Variants in CADM1 observed in about 807,000 individuals in gnomAD.
CADM1 encodes cell adhesion molecule 1, also known as TSLC-1.
In CADM1, 15 loss-of-function variants were observed where a neutral mutation model predicts 53.1. The observed-to-expected ratio is 0.28, with a 90% CI of 0.19 to 0.44. CADM1 has a LOEUF of 0.44. Among genes scored for constraint, CADM1 ranks in the 20% least tolerant of loss-of-function variants. The probability of loss-of-function intolerance (pLI) is 1.00; values close to 1 mark genes in which losing one functional copy is unlikely to be tolerated. For synonymous variants in CADM1, 281 were observed against 243.0 expected (o/e 1.16, Z -1.45); for missense variants, 434 against 611.3 (o/e 0.71, Z 3.06).
At chr11:115,287,118 A>T (rs1483788938) in intron 1 of CADM1, among the ~76,000 whole-genome samples, 1 of 152,206 alleles carries the variant, frequency 6.6e-6, no homozygotes, top group Non-Finnish European at 1.5e-5. Context: ...TCCAAAGAAA[A>T]GCAGGAACAC....
At chr11:115,332,399 G>A (rs775976023) in intron 1 of CADM1, among the ~76,000 whole-genome samples, 4 of 152,184 alleles carry the variant, frequency 2.6e-5, no homozygotes, top group Non-Finnish European at 5.9e-5. Flanking sequence ...AAATGAAGAT[G>A]AAGGTCATTT....
In CADM1 at chr11:115,228,826, T is replaced by C. The variant is rs543427994; in HGVS notation, c.721+287A>G. Among the ~76,000 whole-genome samples, 12 of 152,318 alleles carry C rather than the reference T, an allele frequency of 7.9e-5. No individual in the cohort carries two copies. In the South Asian group the frequency reaches 1.5e-3, roughly 18 times the overall value. ...ATTACCCTAGATTTTGCAGTTGGCA[T>C]AGAAATGATGACAGTCTATATGCAA... is the stretch of plus-strand genomic sequence containing the variant. On this transcript the variant is annotated intron_variant, in intron 5 of 11. Coordinates refer to ENST00000331581, the MANE Select transcript of CADM1 (RefSeq NM_001301043.2).
At chr11:115,294,593 C>T (rs7928044) in intron 1 of CADM1, among the ~76,000 whole-genome samples, 32,067 of 151,948 alleles carry the variant, frequency 0.21, 5,006 homozygotes, top group East Asian at 0.65. Context: ...TTGCTTCCTG[C>T]CCATTAAATG....
intron 1 of CADM1, among the ~76,000 whole-genome samples, chr11:115,462,171 A>T (rs553934841): frequency 6.6e-6 from 1 of 152,282 alleles, no homozygotes; most frequent in African/African-American, 2.4e-5. Flanking sequence ...CAAAGAAGAT[A>T]ATGCTTAACT....
rs1455385926 is a variant in CADM1, at chr11:115,172,320, TCTG to T, written c.*4151_*4153del. The T allele has an allele frequency of 6.6e-6, 1 of 152,294 alleles. No homozygotes were observed. Among genetic ancestry groups the T allele is most frequent in the South Asian group, 2.1e-4 (1 of 4,836 alleles). The allele number at this position is 152,294 out of a possible 1,614,324, so 9.4% of individuals were successfully genotyped here. A position where few individuals can be genotyped will look rare whatever the true frequency, so the allele number is the denominator to read the frequency against. On this transcript the variant is annotated 3_prime_UTR_variant, in exon 12 of 12. Coordinates refer to ENST00000331581, the MANE Select transcript of CADM1 (RefSeq NM_001301043.2). ...GAGAGGTCACTGAAGTATCGAGTCC[TCTG>T]CCCGGACTTTTCAGTACAGCCACAA... is the stretch of plus-strand genomic sequence containing the variant.
At chr11:115,331,012 G>A (rs761176074) in intron 1 of CADM1, among the ~76,000 whole-genome samples, 8 of 152,140 alleles carry the variant, frequency 5.3e-5, no homozygotes, top group Non-Finnish European at 1.0e-4. Flanking sequence ...GTGAAGAGGA[G>A]GAATCAGGTT....
chr11:115,249,006 C>T (rs1942503497), intron 1 of CADM1, among the ~76,000 whole-genome samples: 1 of 152,160 alleles, frequency 6.6e-6, no homozygotes, highest in African/African-American at 2.4e-5. Flanking sequence ...AAGGCAGAGG[C>T]TTCTTATGAA....
chr11:115,181,915 A>C (rs11215400), intron 10 of CADM1, among the ~76,000 whole-genome samples: 31,642 of 152,188 alleles, frequency 0.21, 3,789 homozygotes, highest in South Asian at 0.32. Context: ...CTGGAGTCGC[A>C]CGAAAACCAG....
intron 1 of CADM1, among the ~76,000 whole-genome samples, chr11:115,403,915 G>T (rs978952127): frequency 6.6e-6 from 1 of 150,542 alleles, no homozygotes; most frequent in Non-Finnish European, 1.5e-5. Flanking sequence ...GTTTTTTAAA[G>T]TTCAAATTGG....
At chr11:115,467,284 C>T (rs1438345985) in intron 1 of CADM1, among the ~76,000 whole-genome samples, 1 of 152,180 alleles carries the variant, frequency 6.6e-6, no homozygotes, top group Non-Finnish European at 1.5e-5. Context: ...CGATAGGGAA[C>T]ACTTCAGAGT....
chr11:115,482,041 A>T (rs1949268207), intron 1 of CADM1, among the ~76,000 whole-genome samples: 1 of 152,142 alleles, frequency 6.6e-6, no homozygotes. Context: ...GTGCTCCTTC[A>T]AAGGCTATTC....
At chr11:115,271,100 C>T (rs1434964697) in intron 1 of CADM1, among the ~76,000 whole-genome samples, 2 of 152,174 alleles carry the variant, frequency 1.3e-5, no homozygotes, top group African/African-American at 4.8e-5. Flanking sequence ...TGTGTTAATT[C>T]ACTCTCCTGG....
chr11:115,457,833 G>A (rs781564205), intron 1 of CADM1, among the ~76,000 whole-genome samples: 17 of 152,048 alleles, frequency 1.1e-4, no homozygotes, highest in Non-Finnish European at 2.1e-4. Context: ...TAATAAAAAC[G>A]GCTAATGAAT....
chr11:115,439,852 G>C (rs1948269793), intron 1 of CADM1, among the ~76,000 whole-genome samples: 1 of 152,122 alleles, frequency 6.6e-6, no homozygotes, highest in South Asian at 2.1e-4. Context: ...TTGGAGTAGG[G>C]CTCAGAATTT....
chr11:115,261,786 T>C lies in CADM1; in HGVS notation c.125-21366A>G, dbSNP rs1195162286. ...AAAATTTCATGCACTCCAATAAGAT[T>C]TTTTTTTTTTTTTGACAGAGTCTCA... On this transcript the variant is annotated intron_variant, in intron 1 of 11. Transcript: ENST00000331581. Among the ~76,000 whole-genome samples, 5 of 142,392 alleles carry C rather than the reference T, an allele frequency of 3.5e-5. No individual in the cohort carries two copies. The South Asian group carries it at 6.4e-4, about 18-fold the overall frequency. The allele number at this position is 142,392 out of a possible 152,430, so 93.4% of individuals were successfully genotyped here.
At chr11:115,199,346 GTTT>G (rs1940313875) in intron 8 of CADM1, among the ~76,000 whole-genome samples, 2 of 152,120 alleles carry the variant, frequency 1.3e-5, no homozygotes, top group Admixed American at 1.3e-4. Context: ...AGAGAGTGCA[GTTT>G]TTTGTTTTTG....
rs115813115 is a variant in CADM1, at chr11:115,226,222, A to G, written c.721+2891T>C. Among the ~76,000 whole-genome samples, 1,369 of 152,342 alleles carry G rather than the reference A, an allele frequency of 9.0e-3. 15 individuals carry two copies. The highest frequency in any genetic ancestry group is 0.031 in the African/African-American group (1,289 of 41,584). ...TGTAATTTAATAGATATTTTTACATAGGCCCTGGTTAGGATAAAGCAATAA... is the reference window on the plus strand; with the variant it reads ...TGTAATTTAATAGATATTTTTACATGGGCCCTGGTTAGGATAAAGCAATAA... On this transcript the variant is annotated intron_variant, in intron 5 of 11. Coordinates refer to ENST00000331581, the MANE Select transcript of CADM1 (RefSeq NM_001301043.2).
In CADM1 at chr11:115,257,141, G is replaced by A. The variant is rs139592249; in HGVS notation, c.125-16721C>T. 6.5e-3 allele frequency among the ~76,000 whole-genome samples: 988 copies of A among 151,930 alleles called. 6 individuals are homozygous for A. The highest frequency in any genetic ancestry group is 0.021 in the African/African-American group (890 of 41,408). The stretch of plus-strand genomic sequence containing the variant: ...AAAATCAACACTTCCAACTTTATAC[G>A]GTAGTTTTTCTTTTTAAAAAAGTTT... On this transcript the variant is annotated intron_variant, in intron 1 of 11. Coordinates refer to ENST00000331581, the MANE Select transcript of CADM1 (RefSeq NM_001301043.2).
intron 1 of CADM1, among the ~76,000 whole-genome samples, chr11:115,486,470 C>T (rs1254872441): frequency 2.0e-5 from 3 of 152,140 alleles, no homozygotes; most frequent in African/African-American, 7.2e-5. Flanking sequence ...CCCACCTCAG[C>T]CTCCCAAGTA....
Sources: gnomAD v4.1 joint callset for allele counts (sites outside exome capture counted in the v4.1 genomes callset) on GRCh38, gnomAD v4.1.1 for gene constraint, MANE v1.5 for transcripts, NCBI Gene and HGNC (gene_info 2026-07-23, HGNC 2026-07-21) for gene names.